KLF8: variants seen among roughly 807,000 people sequenced by gnomAD.
The protein encoded by KLF8 is Krueppel-like factor 8.
A neutral mutation model predicts 18.2 loss-of-function variants in KLF8; 10 were observed. The ratio of observed to expected loss-of-function variants is 0.55; its 90% confidence interval spans 0.34 to 0.93. The LOEUF (loss-of-function observed/expected upper bound fraction) is 0.93, where lower values mean the gene tolerates loss of function less well. Ranked by LOEUF, KLF8 falls within the 40% of genes least tolerant of loss-of-function variation. KLF8 has a pLI of 0.02. For synonymous variants in KLF8, 109 were observed against 97.3 expected (o/e 1.12, Z -0.71); for missense variants, 264 against 277.9 (o/e 0.95, Z 0.36).
chrX:56,053,295 T>C, the KLF8 span, among the ~76,000 whole-genome samples: 2 of 112,049 alleles, frequency 1.8e-5, no homozygotes, highest in African/African-American at 3.2e-5. Context: ...TTTTGTTTTG[T>C]TTATATAATG....
chrX:56,115,391 A>G, the KLF8 span, among the ~76,000 whole-genome samples: 1 of 112,169 alleles, frequency 8.9e-6, no homozygotes, highest in Non-Finnish European at 1.9e-5. Flanking sequence ...TCAAAATGGA[A>G]GCCAACACAT....
chrX:56,100,260 A>G, the KLF8 span, among the ~76,000 whole-genome samples: 2 of 111,070 alleles, frequency 1.8e-5, no homozygotes, highest in African/African-American at 6.6e-5. Context: ...AGTTTAATGA[A>G]TATTTTAAGC....
rs751208625 is a variant in KLF8, at chrX:56,286,826, G to A, written c.*2332G>A. 6 of 111,832 alleles carry A rather than the reference G, an allele frequency of 5.4e-5. No individual in the cohort carries two copies. The South Asian group carries it at 1.9e-3, about 35-fold the overall frequency. The allele number at this position is 111,832 out of a possible 1,213,427, so 9.2% of individuals were successfully genotyped here. On this transcript the variant is annotated 3_prime_UTR_variant, in exon 6 of 6. Coordinates refer to ENST00000468660, the MANE Select transcript of KLF8 (RefSeq NM_007250.5). ...CCAAACTTGCATAATAATTGCTAAC[G>A]CACTAGGCGATATCTAGGGCCAGTC...
the KLF8 span, among the ~76,000 whole-genome samples, chrX:55,967,340 T>TA: frequency 1.8e-5 from 2 of 110,028 alleles, no homozygotes; most frequent in Admixed American, 9.7e-5. Flanking sequence ...AGTTCAAGAA[T>TA]AAAAACAGGA....
the KLF8 span, among the ~76,000 whole-genome samples, chrX:55,934,929 T>G: frequency 9.0e-6 from 1 of 111,393 alleles, no homozygotes; most frequent in Admixed American, 9.6e-5. Context: ...GAGTTAGGGT[T>G]AAATCCAACT....
rs1260120803 is a variant in KLF8, at chrX:56,290,224, T to C, written c.*5730T>C. Among the ~76,000 whole-genome samples the C allele has an allele frequency of 1.8e-5, 2 of 111,843 alleles. No individual in the cohort carries two copies. The highest frequency in any genetic ancestry group is 6.5e-5 in the African/African-American group (2 of 30,743). ...TGCCTCAATTAATCCATTTGCAAAA[T>C]GGGGATCTCAATATCTACCTCACAG... On this transcript the variant is annotated 3_prime_UTR_variant, in exon 6 of 6. Coordinates refer to ENST00000468660, the MANE Select transcript of KLF8 (RefSeq NM_007250.5).
chrX:56,157,084 G>A, the KLF8 span, among the ~76,000 whole-genome samples: 2 of 108,139 alleles, frequency 1.8e-5, no homozygotes, highest in Non-Finnish European at 3.8e-5. Flanking sequence ...GTCCTTTGTA[G>A]GGACATGGAT....
At chrX:56,185,089 A>C in the KLF8 span, among the ~76,000 whole-genome samples, 3 of 112,616 alleles carry the variant, frequency 2.7e-5, no homozygotes, top group African/African-American at 9.7e-5. Flanking sequence ...CTACAGGAGG[A>C]AATTCAAACC....
the KLF8 span, among the ~76,000 whole-genome samples, chrX:55,988,536 G>T: frequency 9.0e-6 from 1 of 111,093 alleles, no homozygotes; most frequent in African/African-American, 3.3e-5. Flanking sequence ...ATTTCTGAGG[G>T]CTCTGTTCTG....
chrX:55,987,682 G>GCAGCATGT, the KLF8 span, among the ~76,000 whole-genome samples: 1 of 112,115 alleles, frequency 8.9e-6, no homozygotes, highest in Non-Finnish European at 1.9e-5. Context: ...TGTCTTTATA[G>GCAGCATGT]CAGCATGTTT....
chrX:56,176,914 A>T, the KLF8 span, among the ~76,000 whole-genome samples: 1 of 111,664 alleles, frequency 9.0e-6, no homozygotes, highest in African/African-American at 3.3e-5. Context: ...AGGCTTGTGC[A>T]TTCATCATAT....
the KLF8 span, among the ~76,000 whole-genome samples, chrX:56,160,290 A>T: frequency 8.9e-6 from 1 of 111,848 alleles, no homozygotes; most frequent in African/African-American, 3.3e-5. Context: ...ACATTTGCTA[A>T]GGAGACCTTT....
At chrX:56,279,326 T>C (rs902630374) in intron 5 of KLF8, among the ~76,000 whole-genome samples, 2 of 111,459 alleles carry the variant, frequency 1.8e-5, no homozygotes, top group African/African-American at 6.5e-5. Context: ...TTTTCAATTG[T>C]ATAAGTTTAA....
At chrX:56,186,997 C>G in the KLF8 span, among the ~76,000 whole-genome samples, 1 of 111,394 alleles carries the variant, frequency 9.0e-6, no homozygotes, top group Non-Finnish European at 1.9e-5. Context: ...CATTCAAAAG[C>G]TAGCAGAAGG....
the KLF8 span, among the ~76,000 whole-genome samples, chrX:56,035,991 T>G: frequency 8.9e-6 from 1 of 112,420 alleles, no homozygotes; most frequent in Admixed American, 9.4e-5. Flanking sequence ...AATACTATTT[T>G]TTAAAATTTG....
the KLF8 span, among the ~76,000 whole-genome samples, chrX:55,916,431 C>T: frequency 1.3e-4 from 15 of 111,732 alleles, no homozygotes; most frequent in African/African-American, 4.9e-4. Context: ...TGAATCTATT[C>T]CTACTACTGT....
chrX:56,000,942 T>A, the KLF8 span, among the ~76,000 whole-genome samples: 11 of 111,932 alleles, frequency 9.8e-5, no homozygotes, highest in African/African-American at 3.3e-4. Context: ...ATGAGGAATT[T>A]GTGAAAAGGG....
chrX:55,919,272 C>G, the KLF8 span, among the ~76,000 whole-genome samples: 1 of 112,041 alleles, frequency 8.9e-6, no homozygotes, highest in Non-Finnish European at 1.9e-5. Context: ...TAGCTTGCAG[C>G]TCCTGGTCAG....
chrX:56,038,720 G>A, the KLF8 span, among the ~76,000 whole-genome samples: 16 of 112,238 alleles, frequency 1.4e-4, no homozygotes, highest in Non-Finnish European at 3.0e-4. Context: ...TATTCCTTTC[G>A]GTATATACCC....
Sources: gnomAD v4.1 joint callset for allele counts (sites outside exome capture counted in the v4.1 genomes callset) on GRCh38, gnomAD v4.1.1 for gene constraint, MANE v1.5 for transcripts, NCBI Gene and HGNC (gene_info 2026-07-23, HGNC 2026-07-21) for gene names.